The following BDP1 variants were observed in gnomAD, a reference collection of about 807,000 sequenced individuals.
The protein encoded by BDP1 is BDP1 general transcription factor IIIB subunit, also known as transcription factor TFIIIB component B'' homolog.
Under a neutral mutation model 266.6 loss-of-function variants are expected in BDP1, and 169 were observed. The ratio of observed to expected loss-of-function variants is 0.63; its 90% CI spans 0.56 to 0.72. The LOEUF is 0.72. Among genes scored for constraint, BDP1 ranks in the 30% least tolerant of loss-of-function variants. The pLI is 0.00. For missense variants in BDP1, 3,015 were observed against 3,053.8 expected (o/e 0.99, Z 0.30); for synonymous variants, 1,090 against 1,022.4 (o/e 1.07, Z -1.26).
At chr5:71,571,336 G>C (rs1408260556), downstream of BDP1, among the ~76,000 whole-genome samples, 5 of 152,078 alleles carry the variant, frequency 3.3e-5, no homozygotes, top group African/African-American at 1.2e-4. Context: ...GTAAAGATGG[G>C]TTTTTGCCAT....
At chr5:71,518,945 G>A (rs566474707) in intron 22 of BDP1, among the ~76,000 whole-genome samples, 153 of 146,090 alleles carry the variant, frequency 1.0e-3, no homozygotes, top group African/African-American at 3.8e-3. Flanking sequence ...TCAGCCTCCC[G>A]AGTAGTTGGG....
intron 38 of BDP1, among the ~76,000 whole-genome samples, chr5:71,563,580 C>T (rs1027129352): frequency 2.6e-5 from 4 of 151,986 alleles, no homozygotes; most frequent in African/African-American, 9.7e-5. Context: ...TTTAATTTGT[C>T]AATCTTTTAT....
Position 71,522,472 on chromosome 5 carries a change from C to T in BDP1, c.5175C>T (p.Asn1725=), listed in dbSNP as rs745606722. The T allele has an allele frequency of 6.3e-7, 1 of 1,589,160 alleles. No individual in the cohort carries two copies. The highest frequency in any genetic ancestry group is 8.5e-7 in the Non-Finnish European group (1 of 1,173,454). The change falls in exon 23 of 39, where the codon AAC becomes AAT. Residue 1725 remains asparagine, a synonymous_variant. Transcript: ENST00000358731. ...ATTTGCTGCAGAAAGGAGCTTCCAACACCCAGCTCCTTCTAAAAGTAAGTT... is the reference window on the plus strand; with the variant it reads ...ATTTGCTGCAGAAAGGAGCTTCCAATACCCAGCTCCTTCTAAAAGTAAGTT... ...EDHLLQKGAS[N]TQLLLKEKAE... is the part of the protein sequence containing the mutation.
At chr5:71,539,424 A>C (rs1766822052) in intron 27 of BDP1, 133 bp from the exon 28 acceptor site, 1 of 652,144 alleles carries the variant, frequency 1.5e-6, no homozygotes, top group Non-Finnish European at 2.6e-6. Flanking sequence ...AGACTACCTT[A>C]GTAAGGGATT....
At chr5:71,525,504 C>T (rs1765775298) in intron 25 of BDP1, among the ~76,000 whole-genome samples, 1 of 136,760 alleles carries the variant, frequency 7.3e-6, no homozygotes, top group South Asian at 2.4e-4. Context: ...ACACCCCTAC[C>T]TCCCTCCCGG....
At chr5:71,542,604 A>G (rs1452518548) in intron 30 of BDP1, among the ~76,000 whole-genome samples, 3 of 151,898 alleles carry the variant, frequency 2.0e-5, no homozygotes, top group Non-Finnish European at 4.4e-5. Context: ...GGGTGCAGTG[A>G]CTCACACCTG....
At position 71,536,157 on chromosome 5, in the gene BDP1, A is replaced by AT. The variant is rs543191988; in HGVS notation, c.5893-2878dup. 3.4e-3 allele frequency among the ~76,000 whole-genome samples: 515 copies of AT among 152,008 alleles called. 2 individuals carry two copies. The highest frequency in any genetic ancestry group is 5.8e-3 in the Non-Finnish European group (392 of 67,948). On this transcript the variant is annotated intron_variant, in intron 26 of 38. Coordinates refer to ENST00000358731, the MANE Select transcript of BDP1 (RefSeq NM_018429.3). ...TAAAGTATCCAGTCTTTCATCATTTATTTTTTTCATAATTGAGATTTTATT... is the reference window on the plus strand; with the variant it reads ...TAAAGTATCCAGTCTTTCATCATTTATTTTTTTTCATAATTGAGATTTTATT...
At chr5:71,542,359 A>T (rs1372393808) in intron 30 of BDP1, 94 bp downstream of exon 30, 3 of 1,137,198 alleles carry the variant, frequency 2.6e-6, no homozygotes, top group Non-Finnish European at 3.7e-6. Context: ...AAATTGTTTT[A>T]ACTTACAATA....
chr5:71,501,507 C>A, intron 13 of BDP1, 55 bp from the exon 14 acceptor site: 1 of 1,097,000 alleles, frequency 9.1e-7, no homozygotes, highest in Non-Finnish European at 1.4e-6. Flanking sequence ...TTGTTTATTA[C>A]AAAGTTTGAA....
At chr5:71,573,023 G>C in the BDP1 span, among the ~76,000 whole-genome samples, 1 of 152,058 alleles carries the variant, frequency 6.6e-6, no homozygotes, top group Non-Finnish European at 1.5e-5. Flanking sequence ...GAGGTTAGGA[G>C]TTCAAAACCA....
intron 25 of BDP1, among the ~76,000 whole-genome samples, chr5:71,526,208 T>C (rs1038585112): frequency 9.2e-5 from 14 of 152,138 alleles, no homozygotes; most frequent in Non-Finnish European, 1.9e-4. Flanking sequence ...AGGCCGAGGC[T>C]GGCGGATCAC....
chr5:71,548,018 T>TA (rs1187890556), intron 32 of BDP1, among the ~76,000 whole-genome samples: 2 of 152,066 alleles, frequency 1.3e-5, no homozygotes, highest in Non-Finnish European at 2.9e-5. Context: ...CATAGTGTCT[T>TA]ACACCTATAA....
intron 36 of BDP1, among the ~76,000 whole-genome samples, chr5:71,557,938 G>A (rs1743343670): frequency 6.6e-6 from 1 of 152,142 alleles, no homozygotes; most frequent in South Asian, 2.1e-4. Flanking sequence ...AGATCTTAGA[G>A]TCTTCTATTT....
At chr5:71,522,981 T>C (rs1225491446) in intron 24 of BDP1, 32 bp downstream of exon 24, 8 of 1,526,576 alleles carry the variant, frequency 5.2e-6, no homozygotes, top group East Asian at 2.3e-5. Context: ...TGTTTCACAA[T>C]AAGAAATAAA....
chr5:71,558,832 CA>C (rs35755125), intron 36 of BDP1, among the ~76,000 whole-genome samples: 61,425 of 133,680 alleles, frequency 0.46, 13,021 homozygotes, highest in Middle Eastern at 0.52. Context: ...GTCTCAAAAA[CA>C]AAAAAAAAAA....
chr5:71,532,304 A>T lies in BDP1; in HGVS notation c.5773-4A>T, dbSNP rs545051104. ...AATGAAATGATAAAACTTTATTTTG[A>T]CAGCTTGAAATAACTGTGAATGTCC... On this transcript the variant is annotated splice_polypyrimidine_tract_variant and splice_region_variant and intron_variant, in intron 25 of 38. Transcript: ENST00000358731. The T allele has an allele frequency of 1.9e-6, 3 of 1,611,898 alleles. No homozygotes were observed. In the South Asian group the frequency reaches 3.3e-5, roughly 18 times the overall value.
At chr5:71,554,656 A>G (rs2112012618) in intron 35 of BDP1, among the ~76,000 whole-genome samples, 1 of 152,362 alleles carries the variant, frequency 6.6e-6, no homozygotes, top group Middle Eastern at 3.4e-3. Context: ...ATGATACGCC[A>G]TTTAAAAAAT....
At chr5:71,477,887 G>C (rs1355340140) in intron 7 of BDP1, among the ~76,000 whole-genome samples, 1 of 152,108 alleles carries the variant, frequency 6.6e-6, no homozygotes, top group African/African-American at 2.4e-5. Flanking sequence ...CCAGAGTGCA[G>C]GGATTGCAGG....
In BDP1 at chr5:71,506,823, A is replaced by ACACACACACACACC. The variant is rs377599570; in HGVS notation, c.2372+2073_2372+2074insACACACACACACCC. Among the ~76,000 whole-genome samples, 86 of 141,804 alleles carry ACACACACACACACC rather than the reference A, an allele frequency of 6.1e-4. 3 individuals carry two copies. Among genetic ancestry groups the ACACACACACACACC allele is most frequent in the South Asian group, 5.3e-3 (23 of 4,356 alleles). 93.0% of individuals were successfully genotyped at this position (141,804 alleles called of 152,430 possible). On this transcript the variant is annotated intron_variant, in intron 16 of 38. Transcript: ENST00000358731. The stretch of plus-strand genomic sequence containing the variant: ...CACACACACACACACACACACACAC[A>ACACACACACACACC]CCCATATTTTTTTAAAGACAAGGGT...
Sources: allele counts gnomAD v4.1 joint callset (sites outside exome capture counted in the v4.1 genomes callset), GRCh38; gene constraint gnomAD v4.1.1; transcripts MANE v1.5; gene names NCBI Gene and HGNC (gene_info 2026-07-23, HGNC 2026-07-21).